The following UNC13B variants were observed in gnomAD, a reference collection of about 807,000 sequenced individuals.
UNC13B encodes the protein protein unc-13 homolog B.
In UNC13B, 144 loss-of-function variants were observed where a neutral mutation model predicts 211.0. That is an observed-to-expected ratio of 0.68 (90% confidence interval 0.60 to 0.78). The LOEUF (loss-of-function observed/expected upper bound fraction) is 0.78. Ranked by LOEUF, UNC13B falls within the 30% of genes least tolerant of loss-of-function variation. UNC13B has a pLI of 0.00. For missense variants in UNC13B, 1,777 were observed against 2,002.0 expected, an observed-to-expected ratio of 0.89 and a Z score of 2.14; for synonymous variants, 709 against 725.8, an observed-to-expected ratio of 0.98 and a Z score of 0.37.
At chr9:35,390,236 G>A (rs747002279) in intron 25 of UNC13B, among the ~76,000 whole-genome samples, 11 of 152,218 alleles carry the variant, frequency 7.2e-5, no homozygotes, top group Non-Finnish European at 1.6e-4. Context: ...AGCCCCAGGG[G>A]ATCCAGAGAC....
chr9:35,402,166 G>A (rs113319303), intron 37 of UNC13B, among the ~76,000 whole-genome samples: 2,657 of 152,242 alleles, frequency 0.017, 38 homozygotes, highest in Non-Finnish European at 0.027. Flanking sequence ...ATATAGCCCA[G>A]GAAGGGGTTC....
chr9:35,267,935 A>G (rs1273656505), intron 7 of UNC13B, among the ~76,000 whole-genome samples: 1 of 152,238 alleles, frequency 6.6e-6, no homozygotes, highest in Admixed American at 6.5e-5. Flanking sequence ...CACATGACCC[A>G]TGGGAACTCA....
chr9:35,310,442 A>C (rs374467783), intron 9 of UNC13B, 25 bp from the exon 10 acceptor site: 6 of 1,604,782 alleles, frequency 3.7e-6, no homozygotes, highest in Non-Finnish European at 5.1e-6. Flanking sequence ...TTATTTACTT[A>C]TCTGTCTTTC....
rs558238375 is a variant in UNC13B, at chr9:35,343,635, T to C, written c.9415-23312T>C. Among the ~76,000 whole-genome samples the C allele has an allele frequency of 2.0e-5, 3 of 152,090 alleles. No homozygotes were observed. In the South Asian group the frequency reaches 6.2e-4, roughly 32 times the overall value. On this transcript the variant is annotated intron_variant, in intron 11 of 39. Transcript: ENST00000635942. ...GGATCAAAGTGAGCAGGTGAAAAGA[T>C]GAGTGAAAGAACGTAACATTCGACT...
At chr9:35,334,546 G>A (rs1253765848) in intron 11 of UNC13B, among the ~76,000 whole-genome samples, 1 of 152,200 alleles carries the variant, frequency 6.6e-6, no homozygotes, top group Non-Finnish European at 1.5e-5. Flanking sequence ...TAGAAAAACA[G>A]TTCAGGGAAG....
chr9:35,228,275 C>T (rs913679806), intron 2 of UNC13B, among the ~76,000 whole-genome samples: 8 of 151,896 alleles, frequency 5.3e-5, no homozygotes, highest in East Asian at 3.9e-4. Context: ...ATACCTTTTC[C>T]GACTTTTTCT....
intron 1 of UNC13B, among the ~76,000 whole-genome samples, chr9:35,188,218 T>TA (rs971717223): frequency 1.8e-4 from 28 of 152,266 alleles, no homozygotes; most frequent in Admixed American, 8.5e-4. Context: ...TTAAAGCTAT[T>TA]AAAAAAACTC....
chr9:35,265,053 T>C (rs1475176743), intron 7 of UNC13B, among the ~76,000 whole-genome samples: 3 of 152,174 alleles, frequency 2.0e-5, no homozygotes, highest in African/African-American at 7.2e-5. Flanking sequence ...ACTTTAGACT[T>C]TGAAGTGGAA....
At chr9:35,166,737 T>C (rs1301258329) in intron 1 of UNC13B, among the ~76,000 whole-genome samples, 2 of 152,226 alleles carry the variant, frequency 1.3e-5, no homozygotes, top group Non-Finnish European at 2.9e-5. Flanking sequence ...GAGTGTAAAG[T>C]AGAAGGAAAA....
intron 7 of UNC13B, among the ~76,000 whole-genome samples, chr9:35,289,989 C>A (rs71521266): frequency 6.6e-6 from 1 of 151,894 alleles, no homozygotes; most frequent in Non-Finnish European, 1.5e-5. Flanking sequence ...AAATAAAAAA[C>A]CCATATTCTT....
rs183172578 is a variant in UNC13B, at chr9:35,250,668, C to T, written c.468+7304C>T. Among the ~76,000 whole-genome samples the T allele has an allele frequency of 5.4e-4, 82 of 152,216 alleles. 1 individual carries two copies. The highest frequency in any genetic ancestry group is 4.9e-4 in the Non-Finnish European group (33 of 68,016). ...TGGACATATGTTTTCACTTCTCTTG[C>T]GTATGACTTGGGAGTGGAATTGCTA... On this transcript the variant is annotated intron_variant, in intron 6 of 39. Coordinates refer to ENST00000635942, the MANE Select transcript of UNC13B (RefSeq NM_001371189.2).
chr9:35,265,373 G>A (rs1827508048), intron 7 of UNC13B, among the ~76,000 whole-genome samples: 1 of 152,240 alleles, frequency 6.6e-6, no homozygotes, highest in Non-Finnish European at 1.5e-5. Context: ...GTGACCATCT[G>A]CAAGCCAGGA....
chr9:35,316,304 T>C (rs1830450091), intron 11 of UNC13B, among the ~76,000 whole-genome samples: 1 of 152,254 alleles, frequency 6.6e-6, no homozygotes, highest in Non-Finnish European at 1.5e-5. Context: ...GCATTATGAC[T>C]CTTACATTTC....
At chr9:35,353,671 G>A (rs1832855866) in intron 11 of UNC13B, 1 of 1,232,072 alleles carries the variant, frequency 8.1e-7, no homozygotes. Context: ...TAGAGCAAGT[G>A]TGTACAGAGA....
At chr9:35,238,553 C>CT (rs34593751) in intron 5 of UNC13B, among the ~76,000 whole-genome samples, 5,379 of 142,818 alleles carry the variant, frequency 0.038, 304 homozygotes, top group African/African-American at 0.12. Flanking sequence ...CATAATTTAT[C>CT]TTTTTTTTTT....
At chr9:35,196,279 C>T (rs527497592) in intron 1 of UNC13B, among the ~76,000 whole-genome samples, 1 of 152,172 alleles carries the variant, frequency 6.6e-6, no homozygotes, top group Admixed American at 6.5e-5. Context: ...GGGTTACAAA[C>T]AAGGGAACTA....
chr9:35,188,175 T>C (rs1253665014), intron 1 of UNC13B, among the ~76,000 whole-genome samples: 3 of 152,230 alleles, frequency 2.0e-5, no homozygotes, highest in Non-Finnish European at 4.4e-5. Context: ...TTCATAGTCC[T>C]GTACTTTTTT....
At chr9:35,238,795 C>T (rs958684419) in intron 5 of UNC13B, among the ~76,000 whole-genome samples, 18 of 151,966 alleles carry the variant, frequency 1.2e-4, no homozygotes, top group East Asian at 5.8e-4. Context: ...TGACCTCAAA[C>T]GATCCGCCCA....
chr9:35,346,507 G>T (rs1437640549), intron 11 of UNC13B, among the ~76,000 whole-genome samples: 2 of 152,146 alleles, frequency 1.3e-5, no homozygotes, highest in East Asian at 3.8e-4. Flanking sequence ...TGTGGTTTAA[G>T]GGATCTACTC....
Sources: gnomAD v4.1 joint callset for allele counts (sites outside exome capture counted in the v4.1 genomes callset) on GRCh38, gnomAD v4.1.1 for gene constraint, MANE v1.5 for transcripts, NCBI Gene and HGNC (gene_info 2026-07-23, HGNC 2026-07-21) for gene names.